Variants in ZNF581 observed in about 807,000 individuals in gnomAD.
The protein encoded by ZNF581 is zinc finger protein 581.
Under a neutral mutation model 1.2 loss-of-function variants are expected in ZNF581, and 1 was observed. That is an observed-to-expected ratio of 0.83 (90% CI 0.30 to 3.95). The LOEUF is 3.95. ZNF581 is among the 30% of genes most tolerant of loss of function. The probability of loss-of-function intolerance (pLI) is 0.18; values close to 1 mark genes in which losing one functional copy is unlikely to be tolerated. For synonymous variants in ZNF581, 105 were observed against 109.2 expected (o/e 0.96, Z 0.24); for missense variants, 273 against 274.6 (o/e 0.99, Z 0.04).
At chr19:55,640,596 T>G (rs944292787), upstream of ZNF581, 124 of 985,258 alleles carry the variant, frequency 1.3e-4, 1 homozygote, top group African/African-American at 2.1e-3. Flanking sequence ...ATTTGCTGGG[T>G]GGAGAATCAC....
At chr19:55,643,195 C>T (rs760740711), upstream of ZNF581, 9 of 1,167,858 alleles carry the variant, frequency 7.7e-6, no homozygotes, top group East Asian at 1.3e-4. Context: ...CCTTCCTTAC[C>T]CCCTTTCTAG....
chr19:55,642,470 A>G, upstream of ZNF581: 1 of 1,402,180 alleles, frequency 7.1e-7, no homozygotes. Flanking sequence ...TGGCAATTTT[A>G]ACTAATCTCC....
chr19:55,645,574 C>G lies in ZNF581; in HGVS notation c.*409C>G, dbSNP rs943686070. ...GGGACCCCAGTCCTGCCTTCCACCC[C>G]CCAACCAGGCCTGAGACTGATCAAA... On this transcript the variant is annotated 3_prime_UTR_variant, in exon 2 of 2. Coordinates refer to ENST00000270451, the MANE Select transcript of ZNF581 (RefSeq NM_016535.4). The G allele has an allele frequency of 1.1e-5, 2 of 182,422 alleles. No individual in the cohort carries two copies. The highest frequency in any genetic ancestry group is 2.5e-5 in the Non-Finnish European group (2 of 78,924). 11.3% of individuals were successfully genotyped at this position (182,422 alleles called of 1,614,324 possible).
upstream of ZNF581, among the ~76,000 whole-genome samples, chr19:55,636,805 G>A (rs193138451): frequency 1.1e-3 from 165 of 152,274 alleles, 1 homozygote; most frequent in African/African-American, 3.4e-3. Flanking sequence ...AAACCTGAAG[G>A]CCAGGAAGGA....
chr19:55,643,455 A>C, upstream of ZNF581: 1 of 188,988 alleles, frequency 5.3e-6, no homozygotes. Flanking sequence ...TTGCTCAATA[A>C]ACATTCCGCA....
upstream of ZNF581, among the ~76,000 whole-genome samples, chr19:55,636,460 C>T (rs940019173): frequency 4.6e-5 from 7 of 152,092 alleles, no homozygotes; most frequent in African/African-American, 1.2e-4. Flanking sequence ...CAGGGGTTCT[C>T]TTTGGTGGGG....
upstream of ZNF581, chr19:55,640,756 C>A: frequency 1.0e-6 from 1 of 985,510 alleles, no homozygotes; most frequent in Non-Finnish European, 1.2e-6. Context: ...GAGGACAAAC[C>A]CTTGTGGGCC....
chr19:55,640,941 G>T, upstream of ZNF581: 1 of 985,380 alleles, frequency 1.0e-6, no homozygotes, highest in Non-Finnish European at 1.2e-6. Context: ...GAGGCGAGGG[G>T]TGGGAGCGCC....
upstream of ZNF581, chr19:55,641,273 T>G (rs1982452661): frequency 1.3e-4 from 90 of 719,402 alleles, no homozygotes; most frequent in East Asian, 2.8e-4. Flanking sequence ...CCACCCGGGA[T>G]GGGGGTGGGG....
upstream of ZNF581, among the ~76,000 whole-genome samples, chr19:55,639,475 T>C (rs1409015948): frequency 6.6e-6 from 1 of 152,070 alleles, no homozygotes; most frequent in Non-Finnish European, 1.5e-5. Flanking sequence ...CCCAGTAAAA[T>C]GTTTAAAAAG....
At chr19:55,635,170 A>T (rs1466243606), upstream of ZNF581, 2 of 152,366 alleles carry the variant, frequency 1.3e-5, no homozygotes, top group Non-Finnish European at 2.9e-5. Context: ...GGCGTTGGAA[A>T]CTGAGAGGCC....
chr19:55,643,339 G>C (rs1416944365), upstream of ZNF581: 5 of 354,286 alleles, frequency 1.4e-5, no homozygotes, highest in African/African-American at 8.5e-5. Flanking sequence ...TCTGCTCTCT[G>C]GAGCGGTGAA....
At chr19:55,642,879 C>A, upstream of ZNF581, 3 of 1,565,322 alleles carry the variant, frequency 1.9e-6, no homozygotes, top group Non-Finnish European at 2.6e-6. Flanking sequence ...ACGTGCGGCG[C>A]CTGCGGCAAG....
chr19:55,642,008 T>C (rs1982522020), upstream of ZNF581: 9 of 906,768 alleles, frequency 9.9e-6, no homozygotes, highest in Non-Finnish European at 1.1e-5. Context: ...AGGAGGCCGA[T>C]ACGGGGGCCG....
At position 55,644,609 on chromosome 19, in the gene ZNF581, C is replaced by T. The variant is rs1230272763; in HGVS notation, c.38C>T (p.Ala13Val). 6.2e-7 allele frequency: 1 copy of T among 1,607,040 alleles called. No individual in the cohort carries two copies. The highest frequency in any genetic ancestry group is 1.1e-5 in the South Asian group (1 of 89,796). ...CCATCCCCCTGCCCTCAGCCTCTGG[C>T]ATTTTCCTCCGTTGAGACCATGGAG... is the stretch of plus-strand genomic sequence containing the variant. Reference protein sequence around the residue: ...VLPSPCPQPLAFSSVETMEGP... With the variant: ...VLPSPCPQPLVFSSVETMEGP... Residue 13 changes from alanine to valine, a missense_variant, in exon 2 of 2, where the codon GCA (alanine) becomes GTA (valine). Coordinates refer to ENST00000270451, the MANE Select transcript of ZNF581 (RefSeq NM_016535.4). This position sits in a 1 kb window ranked among gnomAD's most constrained non-coding sequence, Gnocchi z 4.3.
chr19:55,642,793 G>C (rs1288443787), upstream of ZNF581: 2 of 1,561,068 alleles, frequency 1.3e-6, no homozygotes, highest in East Asian at 4.7e-5. Flanking sequence ...ACAGCTGCCC[G>C]GAGTGCGCCC....
upstream of ZNF581, among the ~76,000 whole-genome samples, chr19:55,639,532 T>C (rs1194877327): frequency 1.3e-5 from 2 of 152,242 alleles, no homozygotes; most frequent in East Asian, 3.8e-4. Context: ...TTTTGGGCCC[T>C]TGGGCCTCCA....
upstream of ZNF581, chr19:55,642,754 C>T: frequency 1.3e-6 from 2 of 1,537,132 alleles, no homozygotes; most frequent in East Asian, 2.5e-5. Context: ...GCGAGGCGCC[C>T]CCAGGAGAGC....
At chr19:55,638,945 C>A (rs1982257723), upstream of ZNF581, among the ~76,000 whole-genome samples, 1 of 133,000 alleles carries the variant, frequency 7.5e-6, no homozygotes, top group Non-Finnish European at 1.5e-5. Flanking sequence ...TTGGAGGTTG[C>A]AGTGAGCCTA....
Sources: allele counts gnomAD v4.1 joint callset (sites outside exome capture counted in the v4.1 genomes callset), GRCh38; gene constraint gnomAD v4.1.1; non-coding constraint Gnocchi (gnomAD v3.1); transcripts MANE v1.5; gene names NCBI Gene and HGNC (gene_info 2026-07-23, HGNC 2026-07-21).